The following SHANK2 variants were observed in gnomAD, a reference collection of about 807,000 sequenced individuals.
The protein encoded by SHANK2 is SH3 and multiple ankyrin repeat domains 2, also known as SH3 and multiple ankyrin repeat domains protein 2.
Under a neutral mutation model 133.7 loss-of-function variants are expected in SHANK2, and 43 were observed. That is an observed-to-expected ratio of 0.32 (90% confidence interval 0.25 to 0.41). The LOEUF (loss-of-function observed/expected upper bound fraction) is 0.41. Among genes scored for constraint, SHANK2 ranks in the 10% least tolerant of loss-of-function variants. SHANK2 has a pLI of 1.00. For missense variants in SHANK2, 1,994 were observed against 2,235.8 expected, an observed-to-expected ratio of 0.89 and a Z score of 2.18; for synonymous variants, 1,017 against 952.8, an observed-to-expected ratio of 1.07 and a Z score of -1.24.
At chr11:70,656,102 A>G (rs1476754154) in intron 17 of SHANK2, among the ~76,000 whole-genome samples, 4 of 152,134 alleles carry the variant, frequency 2.6e-5, no homozygotes, top group East Asian at 1.9e-4. Flanking sequence ...TCCTTAGCAC[A>G]TGTCGTGAAC....
At chr11:71,078,624 G>C (rs1420875488) in intron 8 of SHANK2, among the ~76,000 whole-genome samples, 3 of 152,206 alleles carry the variant, frequency 2.0e-5, no homozygotes, top group African/African-American at 7.2e-5. Flanking sequence ...AGCTAAAACA[G>C]GGCGGGGCAG....
chr11:70,604,520 C>A (rs1554991772), intron 17 of SHANK2: 1 of 152,268 alleles, frequency 6.6e-6, no homozygotes, highest in African/African-American at 2.4e-5. Flanking sequence ...AGTTTACAGA[C>A]ATAAACGCTC....
intron 11 of SHANK2, among the ~76,000 whole-genome samples, chr11:70,871,201 C>T (rs1335218633): frequency 6.6e-6 from 1 of 152,218 alleles, no homozygotes. Flanking sequence ...CTGAGATCCT[C>T]AGGGTGATAC....
chr11:71,155,121 G>C (rs547517537), intron 2 of SHANK2, among the ~76,000 whole-genome samples: 31 of 88,504 alleles, frequency 3.5e-4, no homozygotes, highest in Non-Finnish European at 4.8e-4. Context: ...CGGAGGAGGG[G>C]TGGACCTACC....
At chr11:70,531,116 C>A (rs1554973078) in intron 17 of SHANK2, among the ~76,000 whole-genome samples, 1 of 131,592 alleles carries the variant, frequency 7.6e-6, no homozygotes, top group Non-Finnish European at 1.5e-5. Flanking sequence ...CAAGATGGCA[C>A]CACTGTACCC....
At chr11:70,770,971 T>C (rs1436385574) in intron 14 of SHANK2, among the ~76,000 whole-genome samples, 1 of 137,030 alleles carries the variant, frequency 7.3e-6, no homozygotes, top group African/African-American at 2.8e-5. Context: ...GTCACCCAGG[T>C]TGGAATGCAG....
chr11:71,227,252 G>T (rs782175234), intron 1 of SHANK2, among the ~76,000 whole-genome samples: 6 of 151,994 alleles, frequency 3.9e-5, no homozygotes, highest in Non-Finnish European at 5.9e-5. Context: ...AATGTAAATG[G>T]TCAAAATATA....
chr11:70,823,651 G>T (rs188593789), intron 11 of SHANK2, among the ~76,000 whole-genome samples: 3 of 148,508 alleles, frequency 2.0e-5, no homozygotes, highest in Non-Finnish European at 4.5e-5. Context: ...GACAGAGGTG[G>T]CATTGGCAGA....
At chr11:70,837,975 CAAAAAAAAAAAAAAAAA>C (rs55862093) in intron 11 of SHANK2, among the ~76,000 whole-genome samples, 1 of 25,178 alleles carries the variant, frequency 4.0e-5, no homozygotes, top group Non-Finnish European at 8.1e-5. Flanking sequence ...CATTCTGTCT[CAAAAAAAAAAAAAAAAA>C]AAAAAAAAAG....
chr11:70,549,603 C>T (rs1246884418), intron 17 of SHANK2, among the ~76,000 whole-genome samples: 1 of 152,086 alleles, frequency 6.6e-6, no homozygotes, highest in Admixed American at 6.5e-5. Context: ...AAGCTGGGCT[C>T]AGCTGGGAAG....
chr11:70,697,792 G>T (rs528184298), intron 15 of SHANK2, among the ~76,000 whole-genome samples: 8 of 152,304 alleles, frequency 5.3e-5, no homozygotes, highest in African/African-American at 1.9e-4. Context: ...TCCCACCTCT[G>T]CAGGAGATGA....
chr11:70,526,531 C>T (rs868956538), intron 17 of SHANK2, among the ~76,000 whole-genome samples: 20 of 152,306 alleles, frequency 1.3e-4, no homozygotes, highest in East Asian at 3.9e-4. Context: ...TCAGCGCACA[C>T]GCGTCAGGGC....
At chr11:70,843,639 G>A (rs1426878179) in intron 11 of SHANK2, among the ~76,000 whole-genome samples, 1 of 151,928 alleles carries the variant, frequency 6.6e-6, no homozygotes, top group African/African-American at 2.4e-5. Context: ...CGCAGAGACA[G>A]GCTGCAGGAG....
chr11:70,636,090 C>T (rs1407410782), intron 17 of SHANK2, among the ~76,000 whole-genome samples: 1 of 152,290 alleles, frequency 6.6e-6, no homozygotes, highest in Non-Finnish European at 1.5e-5. Context: ...AGCCTAAATC[C>T]TTCCCCTTGG....
intron 11 of SHANK2, among the ~76,000 whole-genome samples, chr11:70,872,748 C>A (rs567972574): frequency 6.6e-6 from 1 of 152,238 alleles, no homozygotes; most frequent in Non-Finnish European, 1.5e-5. Context: ...TCCACACTGA[C>A]CACTTGAAAA....
intron 10 of SHANK2, among the ~76,000 whole-genome samples, chr11:70,950,544 C>T (rs1156390052): frequency 2.6e-5 from 4 of 152,206 alleles, no homozygotes; most frequent in African/African-American, 9.6e-5. Flanking sequence ...GCTCTACCCT[C>T]ATGATGTAAT....
chr11:70,607,113 C>CG (rs1478814616), intron 17 of SHANK2, among the ~76,000 whole-genome samples: 2 of 152,298 alleles, frequency 1.3e-5, no homozygotes, highest in East Asian at 3.9e-4. Context: ...GCCCCTCAGA[C>CG]GGGGGCGGCC....
chr11:70,755,745 C>T (rs1555038727), intron 14 of SHANK2, among the ~76,000 whole-genome samples: 1 of 152,222 alleles, frequency 6.6e-6, no homozygotes, highest in African/African-American at 2.4e-5. Flanking sequence ...TCCGCTCCTA[C>T]CAGGCGAGCG....
At chr11:70,586,939 C>T (rs1382254080) in intron 17 of SHANK2, among the ~76,000 whole-genome samples, 2 of 152,216 alleles carry the variant, frequency 1.3e-5, no homozygotes, top group Non-Finnish European at 2.9e-5. Context: ...CCTCACTCCT[C>T]TCCCAGAGAC....
Sources: gnomAD v4.1 joint callset for allele counts (sites outside exome capture counted in the v4.1 genomes callset) on GRCh38, gnomAD v4.1.1 for gene constraint, MANE v1.5 for transcripts, NCBI Gene and HGNC (gene_info 2026-07-23, HGNC 2026-07-21) for gene names.